Variants in DAB2IP observed in about 807,000 individuals in gnomAD.
The protein encoded by DAB2IP is DAB2 interacting protein.
In DAB2IP, 28 loss-of-function variants were observed where a neutral mutation model predicts 107.2. That is an observed-to-expected ratio of 0.26 (90% CI 0.19 to 0.36). DAB2IP has a LOEUF of 0.36. Among genes scored for constraint, DAB2IP ranks in the 10% least tolerant of loss-of-function variants. The pLI is 1.00. For missense variants in DAB2IP, 1,400 were observed against 1,644.7 expected (o/e 0.85, Z 2.57); for synonymous variants, 755 against 706.4 (o/e 1.07, Z -1.09).
At chr9:121,753,176 C>T (rs1833246185) in intron 3 of DAB2IP, 1 of 152,404 alleles carries the variant, frequency 6.6e-6, no homozygotes, top group Admixed American at 6.5e-5. Context: ...TTGAGACCTG[C>T]TTCTGTAGGT....
At chr9:121,573,669 C>T (rs1009129130) in intron 1 of DAB2IP, among the ~76,000 whole-genome samples, 1 of 152,150 alleles carries the variant, frequency 6.6e-6, no homozygotes, top group Admixed American at 6.5e-5. Flanking sequence ...AGGTGTGAGC[C>T]ACTGCATCTG....
At chr9:121,660,870 T>G (rs1276231239) in intron 1 of DAB2IP, among the ~76,000 whole-genome samples, 1 of 152,182 alleles carries the variant, frequency 6.6e-6, no homozygotes, top group East Asian at 1.9e-4. Context: ...AGTGGTTCTG[T>G]GTGGCCCACC....
At chr9:121,749,221 G>C (rs1832931022) in intron 3 of DAB2IP, among the ~76,000 whole-genome samples, 1 of 152,240 alleles carries the variant, frequency 6.6e-6, no homozygotes, top group African/African-American at 2.4e-5. Flanking sequence ...GCTGGGCTTG[G>C]GGAGAGAGCT....
rs986820976 is a variant in DAB2IP at position 121,730,140 on chromosome 9, C to T, written c.363-26873C>T. ...CCAGCCATGTCCAACCCCCACTGGCCGCCAAGGAAAGAAAGAAACTTTTCA... is the reference window on the plus strand; with the variant it reads ...CCAGCCATGTCCAACCCCCACTGGCTGCCAAGGAAAGAAAGAAACTTTTCA... On this transcript the variant is annotated intron_variant, in intron 3 of 15. Transcript: ENST00000408936. Among the ~76,000 whole-genome samples, 7 of 152,108 alleles carry T rather than the reference C, an allele frequency of 4.6e-5. No individual in the cohort carries two copies. In the East Asian group the frequency reaches 5.8e-4, roughly 13 times the overall value.
At chr9:121,711,889 G>A (rs1830352021) in intron 3 of DAB2IP, among the ~76,000 whole-genome samples, 1 of 152,200 alleles carries the variant, frequency 6.6e-6, no homozygotes, top group Non-Finnish European at 1.5e-5. Context: ...TGGCGTCCAT[G>A]TACCTGGCAG....
intron 1 of DAB2IP, among the ~76,000 whole-genome samples, chr9:121,673,441 G>A (rs897035108): frequency 1.3e-5 from 2 of 152,158 alleles, no homozygotes; most frequent in African/African-American, 2.4e-5. Flanking sequence ...CATTTGAAAG[G>A]GTCCAGAACA....
At chr9:121,657,847 G>A (rs538850600) in intron 1 of DAB2IP, among the ~76,000 whole-genome samples, 1 of 152,190 alleles carries the variant, frequency 6.6e-6, no homozygotes, top group East Asian at 1.9e-4. Context: ...GAATGGGGAG[G>A]TTGGAGAGAT....
intron 2 of DAB2IP, among the ~76,000 whole-genome samples, chr9:121,691,652 G>A (rs1017731907): frequency 1.3e-5 from 2 of 151,962 alleles, no homozygotes; most frequent in African/African-American, 2.4e-5. Context: ...CAACTACCTC[G>A]TCCCCATTTT....
intron 1 of DAB2IP, among the ~76,000 whole-genome samples, chr9:121,582,155 G>A (rs911228816): frequency 6.6e-6 from 1 of 152,226 alleles, no homozygotes; most frequent in Non-Finnish European, 1.5e-5. Flanking sequence ...GGGGTTGGAA[G>A]CTAATGTGCC....
upstream of DAB2IP, among the ~76,000 whole-genome samples, chr9:121,648,744 C>T (rs146038085): frequency 2.5e-3 from 385 of 152,194 alleles, 3 homozygotes; most frequent in African/African-American, 9.0e-3. Flanking sequence ...GGGAGCTGGG[C>T]CTATTCAGGA....
chr9:121,673,466 G>T (rs569066561), intron 1 of DAB2IP, among the ~76,000 whole-genome samples: 1 of 152,142 alleles, frequency 6.6e-6, no homozygotes, highest in Admixed American at 6.5e-5. Context: ...TTCTCAGCAG[G>T]GGCGAGATTG....
At chr9:121,694,065 T>C (rs1829295454) in intron 2 of DAB2IP, among the ~76,000 whole-genome samples, 1 of 152,264 alleles carries the variant, frequency 6.6e-6, no homozygotes, top group East Asian at 1.9e-4. Flanking sequence ...TGGGAGCCCC[T>C]GTGGGACAGC....
Position 121,751,397 on chromosome 9 carries a change from G to A in DAB2IP, c.363-5616G>A, listed in dbSNP as rs114533222. 5.3e-3 allele frequency: 812 copies of A among 153,220 alleles called. 8 individuals are homozygous for A. The highest frequency in any genetic ancestry group is 0.019 in the African/African-American group (772 of 41,582). The allele number at this position is 153,220 out of a possible 1,614,324, so 9.5% of individuals were successfully genotyped here. On this transcript the variant is annotated intron_variant, in intron 3 of 15. Transcript: ENST00000408936. ...GTCACGAGAATTAAGTGGAACAGGT[G>A]GGAGATTGTGGCCCTGAGCCGGGCT...
chr9:121,681,925 C>T (rs956017541), intron 2 of DAB2IP, among the ~76,000 whole-genome samples: 10 of 152,266 alleles, frequency 6.6e-5, no homozygotes, highest in Admixed American at 5.9e-4. Flanking sequence ...TGAATGTGGT[C>T]GCCCAAGTCT....
chr9:121,641,927 TTCTTTCTTTC>T (rs1348862727), intron 1 of DAB2IP, among the ~76,000 whole-genome samples: 9 of 144,464 alleles, frequency 6.2e-5, no homozygotes, highest in South Asian at 2.2e-4. Context: ...CTTTCTTTCT[TTCTTTCTTTC>T]TCTCTTTCTT....
rs1249635614 is a variant in DAB2IP, at chr9:121,777,144, T to C, written c.3314+753T>C. On this transcript the variant is annotated intron_variant, in intron 14 of 15. Coordinates refer to ENST00000408936, the Ensembl canonical transcript of DAB2IP. Reference sequence around the variant, plus strand: ...ACCCCAGGGTCCCAGTCGTGGAGTTTACTTCCTTCTCAGTAATACCAGGCA... The same window carrying C: ...ACCCCAGGGTCCCAGTCGTGGAGTTCACTTCCTTCTCAGTAATACCAGGCA... Among the ~76,000 whole-genome samples the C allele has an allele frequency of 3.9e-5, 6 of 152,150 alleles. 1 individual carries two copies. Among genetic ancestry groups the C allele is most frequent in the African/African-American group, 1.2e-4 (5 of 41,418 alleles).
intron 15 of DAB2IP, among the ~76,000 whole-genome samples, chr9:121,781,771 C>G (rs1835674119): frequency 6.6e-6 from 1 of 151,730 alleles, no homozygotes; most frequent in Non-Finnish European, 1.5e-5. Context: ...TGCCAGGGCT[C>G]TTGGCGGGCA....
At chr9:121,585,238 C>T (rs1830287097) in intron 1 of DAB2IP, among the ~76,000 whole-genome samples, 1 of 152,152 alleles carries the variant, frequency 6.6e-6, no homozygotes, top group Admixed American at 6.5e-5. Flanking sequence ...TCAATGAGAG[C>T]ACAGAGTCGA....
intron 1 of DAB2IP, among the ~76,000 whole-genome samples, chr9:121,604,323 A>AGG (rs1396521926): frequency 2.0e-5 from 3 of 152,088 alleles, no homozygotes; most frequent in Non-Finnish European, 2.9e-5. Context: ...CAGCTGGCTG[A>AGG]GGGGGTCCAG....
Sources: gnomAD v4.1 joint callset for allele counts (sites outside exome capture counted in the v4.1 genomes callset) on GRCh38, gnomAD v4.1.1 for gene constraint, MANE v1.5 for transcripts, NCBI Gene and HGNC (gene_info 2026-07-23, HGNC 2026-07-21) for gene names.